Variants in PLD1 observed in about 807,000 individuals in gnomAD.
The protein encoded by PLD1 is choline phosphatase 1.
A neutral mutation model predicts 137.1 loss-of-function variants in PLD1; 112 were observed. The ratio of observed to expected loss-of-function variants is 0.82; its 90% CI spans 0.70 to 0.96. The LOEUF (loss-of-function observed/expected upper bound fraction) is 0.96, where lower values mean the gene tolerates loss of function less well. PLD1 is among the 40% of genes least tolerant of loss of function. The pLI is 0.00. For synonymous variants in PLD1, 431 were observed against 454.7 expected (o/e 0.95, Z 0.66); for missense variants, 1,321 against 1,342.0 (o/e 0.98, Z 0.24).
At chr3:171,669,809 C>T (rs1712556147) in intron 19 of PLD1, among the ~76,000 whole-genome samples, 1 of 152,222 alleles carries the variant, frequency 6.6e-6, no homozygotes, top group African/African-American at 2.4e-5. Flanking sequence ...ACCATCACCA[C>T]AATCCTGTGA....
At chr3:171,740,390 G>T (rs1719690943) in intron 1 of PLD1, among the ~76,000 whole-genome samples, 1 of 152,024 alleles carries the variant, frequency 6.6e-6, no homozygotes, top group South Asian at 2.1e-4. Context: ...AAAATACAAG[G>T]TAATGAAAAA....
chr3:171,672,731 T>G (rs1456169723), intron 19 of PLD1, among the ~76,000 whole-genome samples: 1 of 152,178 alleles, frequency 6.6e-6, no homozygotes, highest in Non-Finnish European at 1.5e-5. Flanking sequence ...GCTCTCCTCC[T>G]GCCTTGGCCT....
chr3:171,700,956 C>A (rs1159841159), intron 11 of PLD1, among the ~76,000 whole-genome samples: 2 of 152,244 alleles, frequency 1.3e-5, no homozygotes, highest in African/African-American at 4.8e-5. Context: ...CTCCACTGAA[C>A]TGCTAGACCT....
At chr3:171,691,200 G>A (rs1715114164) in intron 13 of PLD1, among the ~76,000 whole-genome samples, 1 of 152,120 alleles carries the variant, frequency 6.6e-6, no homozygotes, top group Admixed American at 6.5e-5. Flanking sequence ...TTGTGTCTTT[G>A]CAGCTAGAGT....
At chr3:171,647,206 C>T (rs926288720) in intron 21 of PLD1, among the ~76,000 whole-genome samples, 7 of 152,166 alleles carry the variant, frequency 4.6e-5, no homozygotes, top group Non-Finnish European at 8.8e-5. Flanking sequence ...GCTATGCACT[C>T]GGTATTATTT....
At chr3:171,676,947 T>C in intron 17 of PLD1, 114 bp from the exon 18 acceptor site, 1 of 648,412 alleles carries the variant, frequency 1.5e-6, no homozygotes, top group Non-Finnish European at 2.7e-6. Flanking sequence ...ACTAGGTATA[T>C]ATTTCTTGGC....
At chr3:171,628,113 G>C (rs368175343) in intron 23 of PLD1, among the ~76,000 whole-genome samples, 8 of 152,086 alleles carry the variant, frequency 5.3e-5, no homozygotes, top group Admixed American at 5.2e-4. Flanking sequence ...TAGACCGCTA[G>C]CAAGACTAAT....
chr3:171,607,790 G>T lies in PLD1; in HGVS notation c.2883-2374C>A, dbSNP rs770049921. On this transcript the variant is annotated intron_variant, in intron 25 of 26. Transcript: ENST00000351298. ...TTTCTCTTGAGTGATGGTTATATCT[G>T]CAAAGTTTGGATAATTTTCTAGGAC... Among the ~76,000 whole-genome samples, 8 of 152,260 alleles carry T rather than the reference G, an allele frequency of 5.3e-5. No homozygotes were observed. In the East Asian group the frequency reaches 1.2e-3, roughly 22 times the overall value.
intron 1 of PLD1, chr3:171,789,394 G>A (rs1227000391): frequency 6.6e-6 from 1 of 152,362 alleles, no homozygotes; most frequent in African/African-American, 2.4e-5. Context: ...TGGGTGATGG[G>A]AAGTTCATGG....
intron 16 of PLD1, among the ~76,000 whole-genome samples, chr3:171,680,425 AG>A (rs1169330302): frequency 2.0e-5 from 3 of 151,396 alleles, no homozygotes; most frequent in Non-Finnish European, 3.0e-5. Flanking sequence ...TAGTAGAGAC[AG>A]GGTTTCACCA....
intron 1 of PLD1, among the ~76,000 whole-genome samples, chr3:171,801,195 C>T (rs969954715): frequency 3.3e-5 from 5 of 152,194 alleles, no homozygotes; most frequent in African/African-American, 7.2e-5. Flanking sequence ...CTAGCCTAGG[C>T]CTAGTACTGT....
chr3:171,759,195 T>G (rs1721229135), intron 1 of PLD1, among the ~76,000 whole-genome samples: 1 of 152,206 alleles, frequency 6.6e-6, no homozygotes, highest in African/African-American at 2.4e-5. Context: ...GTTTTCTTTT[T>G]AAGCGGTATG....
chr3:171,671,619 T>C (rs1250947276), intron 19 of PLD1, among the ~76,000 whole-genome samples: 1 of 152,150 alleles, frequency 6.6e-6, no homozygotes, highest in East Asian at 1.9e-4. Context: ...AAGGTATTTG[T>C]TTGGAAAGAT....
intron 20 of PLD1, 141 bp from the exon 21 acceptor site, chr3:171,659,442 G>A: frequency 3.5e-6 from 2 of 576,838 alleles, no homozygotes; most frequent in Non-Finnish European, 5.9e-6. Context: ...GAAAGTCAAC[G>A]ACACAGAAAA....
chr3:171,773,871 C>A (rs1360796455), intron 1 of PLD1, among the ~76,000 whole-genome samples: 1 of 152,018 alleles, frequency 6.6e-6, no homozygotes, highest in Non-Finnish European at 1.5e-5. Flanking sequence ...GCCTCAGCCT[C>A]CCGAGTAGCT....
At chr3:171,743,875 C>T (rs1006562005) in intron 1 of PLD1, among the ~76,000 whole-genome samples, 2 of 152,146 alleles carry the variant, frequency 1.3e-5, no homozygotes, top group Non-Finnish European at 2.9e-5. Flanking sequence ...GCCGAGCACC[C>T]ACTCAATACG....
At chr3:171,798,846 T>A (rs1373374326) in intron 1 of PLD1, among the ~76,000 whole-genome samples, 4 of 152,020 alleles carry the variant, frequency 2.6e-5, no homozygotes, top group African/African-American at 7.2e-5. Context: ...CATTAGAGAG[T>A]CAGCCATGCT....
At chr3:171,731,519 C>A (rs1239509597) in intron 6 of PLD1, among the ~76,000 whole-genome samples, 1 of 152,110 alleles carries the variant, frequency 6.6e-6, no homozygotes, top group African/African-American at 2.4e-5. Flanking sequence ...CGGTGGCTCA[C>A]GCCTGTAATC....
intron 1 of PLD1, chr3:171,788,460 A>G (rs1289202975): frequency 1.3e-5 from 2 of 152,164 alleles, no homozygotes; most frequent in East Asian, 1.9e-4. Flanking sequence ...GTATACCTGC[A>G]TTCATTCAGT....
Sources: allele counts gnomAD v4.1 joint callset (sites outside exome capture counted in the v4.1 genomes callset), GRCh38; gene constraint gnomAD v4.1.1; transcripts MANE v1.5; gene names NCBI Gene and HGNC (gene_info 2026-07-23, HGNC 2026-07-21).